Variants in TLE1 observed in about 807,000 individuals in gnomAD.
TLE1 encodes transducin-like enhancer protein 1.
In TLE1, 21 loss-of-function variants were observed where a neutral mutation model predicts 89.8. That is an observed-to-expected ratio of 0.23 (90% CI 0.17 to 0.34). The LOEUF (loss-of-function observed/expected upper bound fraction) is 0.34, where lower values mean the gene tolerates loss of function less well. Ranked by LOEUF, TLE1 falls within the 10% of genes least tolerant of loss-of-function variation. The pLI, the probability that TLE1 is intolerant of heterozygous loss-of-function variation, is 1.00. For synonymous variants in TLE1, 447 were observed against 407.6 expected, an observed-to-expected ratio of 1.10 and a Z score of -1.16; for missense variants, 795 against 1,031.2, an observed-to-expected ratio of 0.77 and a Z score of 3.14.
intron 16 of TLE1, among the ~76,000 whole-genome samples, chr9:81,590,335 A>G (rs1035155490): frequency 1.3e-5 from 2 of 152,184 alleles, no homozygotes; most frequent in Admixed American, 6.5e-5. Context: ...TTCATTATTG[A>G]GATACTTTAA....
intron 14 of TLE1, among the ~76,000 whole-genome samples, chr9:81,597,435 T>G (rs2131891527): frequency 6.6e-6 from 1 of 152,238 alleles, no homozygotes; most frequent in South Asian, 2.1e-4. Context: ...TACAAAATTC[T>G]TAAGTCATCA....
chr9:81,590,774 A>C (rs968410043), intron 16 of TLE1, 31 bp downstream of exon 16: 11 of 1,603,230 alleles, frequency 6.9e-6, no homozygotes, highest in Admixed American at 5.0e-5. Context: ...TAAAGAAGCG[A>C]ACCCCTCCTT....
At chr9:81,642,305 T>A (rs2132478109) in intron 6 of TLE1, among the ~76,000 whole-genome samples, 1 of 152,310 alleles carries the variant, frequency 6.6e-6, no homozygotes, top group African/African-American at 2.4e-5. Context: ...TTTTTAAATA[T>A]TTGCAATATT....
intron 4 of TLE1, among the ~76,000 whole-genome samples, chr9:81,656,071 G>C (rs1223470234): frequency 6.6e-6 from 1 of 152,168 alleles, no homozygotes; most frequent in Non-Finnish European, 1.5e-5. Context: ...AAATGTACTA[G>C]AAGGGGAAAT....
chr9:81,614,732 CAT>C (rs929557550), intron 11 of TLE1, among the ~76,000 whole-genome samples: 3 of 152,094 alleles, frequency 2.0e-5, no homozygotes, highest in Admixed American at 6.5e-5. Flanking sequence ...TGAGTGACCA[CAT>C]GAGTGGGTTC....
At chr9:81,622,321 TGG>T in intron 8 of TLE1, among the ~76,000 whole-genome samples, 1 of 152,318 alleles carries the variant, frequency 6.6e-6, no homozygotes, top group South Asian at 2.1e-4. Context: ...GCACAGAGGC[TGG>T]GTGTGCTGAC....
At chr9:81,609,334 C>T (rs538941044) in intron 14 of TLE1, among the ~76,000 whole-genome samples, 1 of 152,326 alleles carries the variant, frequency 6.6e-6, no homozygotes, top group East Asian at 1.9e-4. Context: ...ATCCACCCGC[C>T]TCAGCCTCCC....
At chr9:81,648,788 T>C (rs943280540) in intron 6 of TLE1, among the ~76,000 whole-genome samples, 1 of 152,188 alleles carries the variant, frequency 6.6e-6, no homozygotes, top group African/African-American at 2.4e-5. Flanking sequence ...AATTTTGTTT[T>C]GATCATTCTT....
intron 6 of TLE1, among the ~76,000 whole-genome samples, chr9:81,643,456 G>C (rs766255854): frequency 2.5e-4 from 38 of 151,960 alleles, no homozygotes; most frequent in Non-Finnish European, 4.9e-4. Flanking sequence ...GGCTGGTCTG[G>C]AACTCCCAAC....
At chr9:81,678,896 T>C (rs1359869732) in intron 4 of TLE1, among the ~76,000 whole-genome samples, 1 of 152,046 alleles carries the variant, frequency 6.6e-6, no homozygotes, top group African/African-American at 2.4e-5. Context: ...ATGCCAACAC[T>C]TTGGGAGGCT....
intron 4 of TLE1, among the ~76,000 whole-genome samples, chr9:81,660,391 A>G (rs1031034933): frequency 6.6e-6 from 1 of 151,718 alleles, no homozygotes; most frequent in African/African-American, 2.4e-5. Flanking sequence ...ATTCATGTAC[A>G]TGTATGGTTT....
chr9:81,675,070 G>A (rs1473499081), intron 4 of TLE1, among the ~76,000 whole-genome samples: 4 of 152,136 alleles, frequency 2.6e-5, no homozygotes, highest in Non-Finnish European at 5.9e-5. Context: ...GCCAAGGTCG[G>A]TAGCTAAAGA....
chr9:81,612,614 T>C (rs558474624), intron 12 of TLE1, among the ~76,000 whole-genome samples: 41 of 152,290 alleles, frequency 2.7e-4, no homozygotes, highest in Non-Finnish European at 2.9e-5. Context: ...CAGCAAACTA[T>C]AGTCTGCAAG....
In TLE1 at chr9:81,583,945, C is replaced by T. The variant is rs1007857896; in HGVS notation, c.*253G>A. Reference sequence around the variant, plus strand: ...GGCTGTCATGTGAGTCGGCAGATTCCGTTCCTCAATCCTACAACCCATGGC... The same window carrying T: ...GGCTGTCATGTGAGTCGGCAGATTCTGTTCCTCAATCCTACAACCCATGGC... On this transcript the variant is annotated 3_prime_UTR_variant, in exon 20 of 20. Coordinates refer to ENST00000376499, the MANE Select transcript of TLE1 (RefSeq NM_005077.5). 20 of 453,940 alleles carry T rather than the reference C, an allele frequency of 4.4e-5. No homozygotes were observed. The highest frequency in any genetic ancestry group is 6.2e-4 in the Middle Eastern group (1 of 1,616). The allele number at this position is 453,940 out of a possible 1,614,324, so 28.1% of individuals were successfully genotyped here.
intron 5 of TLE1, among the ~76,000 whole-genome samples, chr9:81,653,229 C>G (rs544167300): frequency 4.0e-4 from 61 of 152,276 alleles, no homozygotes; most frequent in Admixed American, 2.6e-3. Flanking sequence ...AGGTGCCAAC[C>G]AGGATACCCA....
intron 8 of TLE1, among the ~76,000 whole-genome samples, chr9:81,631,547 G>C (rs1253500727): frequency 6.6e-6 from 1 of 152,190 alleles, no homozygotes; most frequent in Non-Finnish European, 1.5e-5. Context: ...AAAGGGCTTT[G>C]TTGCATGCTT....
At chr9:81,645,317 A>T (rs980210620) in intron 6 of TLE1, among the ~76,000 whole-genome samples, 5 of 150,594 alleles carry the variant, frequency 3.3e-5, no homozygotes, top group Non-Finnish European at 5.9e-5. Flanking sequence ...GAGCGCCAAG[A>T]TCGCGCCATT....
chr9:81,603,728 G>A (rs769731737), intron 14 of TLE1, among the ~76,000 whole-genome samples: 6 of 152,168 alleles, frequency 3.9e-5, no homozygotes, highest in African/African-American at 1.2e-4. Context: ...AAGGTCAGGC[G>A]TGGTGGCTCA....
chr9:81,590,772 C>A (rs187303459), intron 16 of TLE1, 33 bp downstream of exon 16: 9 of 1,600,650 alleles, frequency 5.6e-6, no homozygotes, highest in Non-Finnish European at 7.7e-6. Flanking sequence ...GCTAAAGAAG[C>A]GAACCCCTCC....
Sources: allele counts gnomAD v4.1 joint callset (sites outside exome capture counted in the v4.1 genomes callset), GRCh38; gene constraint gnomAD v4.1.1; transcripts MANE v1.5; gene names NCBI Gene and HGNC (gene_info 2026-07-23, HGNC 2026-07-21).